Variants in IPO11 observed in about 807,000 individuals in gnomAD.
The protein encoded by IPO11 is importin 11.
In IPO11, 66 loss-of-function variants were observed where a neutral mutation model predicts 143.2. That is an observed-to-expected ratio of 0.46 (90% confidence interval 0.38 to 0.57). The LOEUF (loss-of-function observed/expected upper bound fraction) is 0.57, where lower values mean the gene tolerates loss of function less well. Among genes scored for constraint, IPO11 ranks in the 20% least tolerant of loss-of-function variants. The pLI is 0.00. For missense variants in IPO11, 1,026 were observed against 1,141.0 expected (o/e 0.90, Z 1.45); for synonymous variants, 385 against 377.8 (o/e 1.02, Z -0.22).
rs554352396 is a variant in IPO11 at position 62,617,750 on chromosome 5, T to A, written c.2764-9404T>A. 8.5e-5 allele frequency among the ~76,000 whole-genome samples: 13 copies of A among 152,298 alleles called. No homozygotes were observed. In the East Asian group the frequency reaches 1.9e-3, roughly 23 times the overall value. ...TGAGTTATAAGTAGAAATGCTTTTA[T>A]AAAACATGTAAGAAATTATCTCAAA... On this transcript the variant is annotated intron_variant, in intron 29 of 29. Transcript: ENST00000325324.
chr5:62,501,684 G>C (rs1386644083), intron 16 of IPO11, among the ~76,000 whole-genome samples: 2 of 152,120 alleles, frequency 1.3e-5, no homozygotes, highest in Admixed American at 1.3e-4. Context: ...CTAATGTATA[G>C]GATAATGTCA....
chr5:62,543,158 T>C (rs553252439), intron 24 of IPO11, among the ~76,000 whole-genome samples: 1 of 152,332 alleles, frequency 6.6e-6, no homozygotes, highest in Admixed American at 6.5e-5. Context: ...TTAGGATCCA[T>C]GCGTTTAATC....
chr5:62,547,949 C>T (rs1447460070), intron 24 of IPO11, among the ~76,000 whole-genome samples: 1 of 151,860 alleles, frequency 6.6e-6, no homozygotes, highest in East Asian at 1.9e-4. Flanking sequence ...GCCATTTTTC[C>T]TTGCTCAGAG....
intron 20 of IPO11, among the ~76,000 whole-genome samples, chr5:62,518,171 C>T (rs901863864): frequency 2.0e-5 from 3 of 150,270 alleles, no homozygotes; most frequent in African/African-American, 7.3e-5. Context: ...TTTGGCCAGG[C>T]GCAGTGACTC....
chr5:62,470,319 G>C lies in IPO11; in HGVS notation c.708+11G>C. On this transcript the variant is annotated intron_variant, in intron 7 of 29. Transcript: ENST00000325324. ...AATATGGAGGTGATGGTAAGTGATC[G>C]AAGAAATTTGCTGTGACTTTGGGAA... is the stretch of plus-strand genomic sequence containing the variant. The C allele has an allele frequency of 6.2e-7, 1 of 1,611,906 alleles. No homozygotes were observed. Among genetic ancestry groups the C allele is most frequent in the South Asian group, 1.1e-5 (1 of 90,962 alleles).
At chr5:62,481,120 G>A (rs1580229325) in intron 9 of IPO11, among the ~76,000 whole-genome samples, 1 of 151,742 alleles carries the variant, frequency 6.6e-6, no homozygotes, top group Admixed American at 6.6e-5. Context: ...GGGTTTCACC[G>A]TGTTAGCCAG....
intron 3 of IPO11, among the ~76,000 whole-genome samples, chr5:62,447,591 C>A (rs1290667199): frequency 2.1e-5 from 3 of 143,340 alleles, no homozygotes; most frequent in Non-Finnish European, 4.6e-5. Flanking sequence ...TTTTTTTATT[C>A]TTTTTTTTTT....
chr5:62,450,422 A>G (rs190725155), intron 4 of IPO11, among the ~76,000 whole-genome samples: 1 of 152,172 alleles, frequency 6.6e-6, no homozygotes, highest in Non-Finnish European at 1.5e-5. Context: ...TGAATATATT[A>G]CTCATTAGTT....
intron 29 of IPO11, among the ~76,000 whole-genome samples, chr5:62,615,672 T>C (rs370152967): frequency 5.9e-5 from 9 of 152,164 alleles, no homozygotes; most frequent in Non-Finnish European, 1.3e-4. Context: ...ATCTGCAAAA[T>C]AGATGGGAGC....
In IPO11 at chr5:62,413,761, C is replaced by T. The variant is rs76096361; in HGVS notation, c.-7+832C>T. On this transcript the variant is annotated intron_variant, in intron 1 of 29. Transcript: ENST00000325324. The stretch of plus-strand genomic sequence containing the variant: ...GGAAGAATAGTTTGTAGCCATAATG[C>T]TTTTCCCCCTCCTGGGATAGGAATT... 1.4e-3 allele frequency among the ~76,000 whole-genome samples: 219 copies of T among 152,300 alleles called. 4 individuals carry two copies. In the East Asian group the frequency reaches 0.04, roughly 28 times the overall value.
At chr5:62,469,639 A>G (rs1745697075) in intron 6 of IPO11, among the ~76,000 whole-genome samples, 1 of 152,158 alleles carries the variant, frequency 6.6e-6, no homozygotes, top group Non-Finnish European at 1.5e-5. Flanking sequence ...ACAGATGAGG[A>G]AACTGAGATG....
chr5:62,627,118 T>G, intron 29 of IPO11, 36 bp from the exon 30 acceptor site: 1 of 1,562,058 alleles, frequency 6.4e-7, no homozygotes, highest in Non-Finnish European at 8.7e-7. Context: ...CTTGTTTTGC[T>G]TTTTTGACAG....
intron 27 of IPO11, among the ~76,000 whole-genome samples, chr5:62,571,911 C>A (rs1290634861): frequency 6.6e-6 from 1 of 152,142 alleles, no homozygotes; most frequent in Non-Finnish European, 1.5e-5. Flanking sequence ...GTCTTCAACT[C>A]CTGACCTCAG....
In IPO11 at chr5:62,574,428, G is replaced by C. The variant is rs144316862; in HGVS notation, c.2582+13171G>C. On this transcript the variant is annotated intron_variant, in intron 27 of 29. Coordinates refer to ENST00000325324, the MANE Select transcript of IPO11 (RefSeq NM_016338.5). ...CAAAATGGAAGGGATTTGCACGAAA[G>C]AGAAATTCTAATATAGCTCAGATCT... 2.5e-3 allele frequency among the ~76,000 whole-genome samples: 380 copies of C among 152,312 alleles called. 3 individuals are homozygous for C. The highest frequency in any genetic ancestry group is 8.5e-3 in the African/African-American group (352 of 41,560).
intron 21 of IPO11, among the ~76,000 whole-genome samples, chr5:62,527,518 T>C (rs530390026): frequency 6.6e-6 from 1 of 152,220 alleles, no homozygotes; most frequent in African/African-American, 2.4e-5. Context: ...TCCTGGCATA[T>C]AAATAATTTT....
In IPO11 at chr5:62,553,323, AGTGTGT is replaced by A. The variant is rs3077458; in HGVS notation, c.2460+2023_2460+2028del. Among the ~76,000 whole-genome samples the A allele has an allele frequency of 5.8e-3, 695 of 119,256 alleles. 5 individuals carry two copies. Among genetic ancestry groups the A allele is most frequent in the African/African-American group, 0.019 (600 of 32,056 alleles). 78.2% of individuals were successfully genotyped at this position (119,256 alleles called of 152,430 possible). On this transcript the variant is annotated intron_variant, in intron 26 of 29. Coordinates refer to ENST00000325324, the MANE Select transcript of IPO11 (RefSeq NM_016338.5). ...TTTGAGGTCGAATAGTATTCGTGTG[AGTGTGT>A]GTGTGTGTGTGTGTGTGTGTGTGTG...
chr5:62,470,770 G>A (rs1400879916), intron 7 of IPO11, among the ~76,000 whole-genome samples: 1 of 142,980 alleles, frequency 7.0e-6, no homozygotes, highest in African/African-American at 2.6e-5. Flanking sequence ...TCAATAAATC[G>A]ATCATAAGTT....
chr5:62,535,325 C>T (rs1323836723), intron 22 of IPO11, among the ~76,000 whole-genome samples: 1 of 151,932 alleles, frequency 6.6e-6, no homozygotes, highest in Non-Finnish European at 1.5e-5. Context: ...TCTCAGTTCT[C>T]TCTTAAATAT....
At chr5:62,422,139 A>AT (rs1158144940) in intron 1 of IPO11, among the ~76,000 whole-genome samples, 1 of 151,580 alleles carries the variant, frequency 6.6e-6, no homozygotes, top group African/African-American at 2.4e-5. Context: ...TTATTTATTT[A>AT]TTTTTTGAGA....
Sources: gnomAD v4.1 joint callset for allele counts (sites outside exome capture counted in the v4.1 genomes callset) on GRCh38, gnomAD v4.1.1 for gene constraint, MANE v1.5 for transcripts, NCBI Gene and HGNC (gene_info 2026-07-23, HGNC 2026-07-21) for gene names.